The following LRRN2 variants were observed in gnomAD, a reference collection of about 807,000 sequenced individuals.
LRRN2 encodes leucine rich repeat neuronal 2, also known as leucine-rich repeat neuronal protein 2.
LRRN2 carries 10 observed loss-of-function variants against 35.7 expected under a neutral mutation model. The ratio of observed to expected loss-of-function variants is 0.28; its 90% CI spans 0.17 to 0.47. The LOEUF is 0.47. Ranked by LOEUF, LRRN2 falls within the 20% of genes least tolerant of loss-of-function variation. The pLI is 0.99. For missense variants in LRRN2, 731 were observed against 940.3 expected (o/e 0.78, Z 2.91); for synonymous variants, 391 against 409.6 (o/e 0.95, Z 0.55).
Position 204,619,938 on chromosome 1 carries a change from CG to C in LRRN2, c.54del (p.Ala19LeufsTer42). ...LLLAWVAGATAAVPVVPWHVP... is the reference protein window; with the variant it reads ...LLLAWVAGATXAVPVVPWHVP... ...ACATGCCAGGGTACCACGGGCACAG[CG>C]GCAGTGGCACCAGCCACCCAAGCTA... On this transcript the variant is annotated frameshift_variant, in exon 2 of 2. Coordinates refer to ENST00000367177, the MANE Select transcript of LRRN2 (RefSeq NM_201630.2). LOFTEE classifies it high-confidence loss of function. 6.2e-7 allele frequency: 1 copy of C among 1,613,086 alleles called. No homozygotes were observed. Among genetic ancestry groups the C allele is most frequent in the Non-Finnish European group, 8.5e-7 (1 of 1,179,782 alleles).
chr1:204,654,536 T>G (rs528804272), intron 1 of LRRN2, among the ~76,000 whole-genome samples: 6 of 152,336 alleles, frequency 3.9e-5, no homozygotes, highest in Non-Finnish European at 7.4e-5. Flanking sequence ...GCAGGTCCCA[T>G]CCAGCTGTCT....
chr1:204,672,549 C>T (rs879448187), intron 1 of LRRN2, among the ~76,000 whole-genome samples: 4 of 152,168 alleles, frequency 2.6e-5, no homozygotes, highest in African/African-American at 4.8e-5. Flanking sequence ...CTATCTCTGA[C>T]GTTCTGTTTG....
chr1:204,661,118 C>G (rs1668463440), intron 1 of LRRN2, among the ~76,000 whole-genome samples: 1 of 152,108 alleles, frequency 6.6e-6, no homozygotes, highest in Non-Finnish European at 1.5e-5. Flanking sequence ...TTTTCTCTCT[C>G]TCTATCAGAA....
At chr1:204,648,067 C>T (rs1342784263) in intron 1 of LRRN2, among the ~76,000 whole-genome samples, 2 of 152,178 alleles carry the variant, frequency 1.3e-5, no homozygotes, top group Admixed American at 6.5e-5. Context: ...CAAATCCCAC[C>T]TCCACCACTT....
chr1:204,658,314 G>A (rs1258124481), intron 1 of LRRN2, among the ~76,000 whole-genome samples: 1 of 152,164 alleles, frequency 6.6e-6, no homozygotes, highest in Non-Finnish European at 1.5e-5. Context: ...AAAGGGCAGG[G>A]CTTAACTGAG....
chr1:204,678,165 C>T (rs889734726), intron 1 of LRRN2, among the ~76,000 whole-genome samples: 1 of 152,190 alleles, frequency 6.6e-6, no homozygotes, highest in Admixed American at 6.5e-5. Flanking sequence ...GTTTAGCACT[C>T]GGTTTTAAAT....
intron 1 of LRRN2, among the ~76,000 whole-genome samples, chr1:204,677,767 C>T (rs1368647496): frequency 6.6e-6 from 1 of 152,302 alleles, no homozygotes; most frequent in African/African-American, 2.4e-5. Context: ...CAGAGATCAT[C>T]TGGTCTCGGG....
At chr1:204,651,074 G>A (rs1043337081) in intron 1 of LRRN2, among the ~76,000 whole-genome samples, 8 of 152,176 alleles carry the variant, frequency 5.3e-5, no homozygotes, top group African/African-American at 9.7e-5. Context: ...GCTTTCTCCA[G>A]CAGCAGGCAG....
chr1:204,626,587 C>T (rs1375086930), intron 1 of LRRN2, among the ~76,000 whole-genome samples: 2 of 152,240 alleles, frequency 1.3e-5, no homozygotes, highest in East Asian at 3.9e-4. Context: ...GCCCCCGAGA[C>T]TCTCTGAACA....
At chr1:204,658,805 G>A (rs1025593729) in intron 1 of LRRN2, among the ~76,000 whole-genome samples, 4 of 152,046 alleles carry the variant, frequency 2.6e-5, no homozygotes, top group African/African-American at 4.8e-5. Flanking sequence ...TTTCTTATTC[G>A]CTTTCATCTC....
intron 1 of LRRN2, chr1:204,664,487 C>T (rs1277807439): frequency 6.6e-6 from 1 of 152,230 alleles, no homozygotes; most frequent in African/African-American, 2.4e-5. Context: ...CTCGTTCATT[C>T]TCTCTCCCTC....
At chr1:204,622,761 C>T (rs1449816704) in intron 1 of LRRN2, among the ~76,000 whole-genome samples, 1 of 152,094 alleles carries the variant, frequency 6.6e-6, no homozygotes, top group East Asian at 1.9e-4. Context: ...CCCTGACTGC[C>T]ACCTAGACCT....
rs766560011 is a variant in LRRN2 at position 204,617,973 on chromosome 1, A to G, written c.2020T>C (p.Trp674Arg). 54 of 1,613,614 alleles carry G rather than the reference A, an allele frequency of 3.3e-5. No homozygotes were observed. The highest frequency in any genetic ancestry group is 3.9e-5 in the Non-Finnish European group (46 of 1,179,938). ...ACAACCCGGACAGAAGGGGCACTCC[A>G]GCCCCAGAAAGCCCAGGCTGGAGGG... ...PLPPAWAFWGWSAPSVRVVSA... is the reference protein window; with the variant it reads ...PLPPAWAFWGRSAPSVRVVSA... Residue 674 changes from tryptophan (W) to arginine (R), a missense_variant, in exon 2 of 2, where the codon TGG becomes CGG. Trp to Arg is a moderately radical substitution (Grantham distance 101). This residue lies in a region of LRRN2 where 229 missense variants were observed against 258.4 expected (regional missense o/e 0.89). Transcript: ENST00000367177.
chr1:204,674,289 T>C (rs1235754613), intron 1 of LRRN2, among the ~76,000 whole-genome samples: 21 of 140,652 alleles, frequency 1.5e-4, no homozygotes, highest in Admixed American at 1.3e-3. Flanking sequence ...AACTGCCAAG[T>C]CCCCCTCACT....
At chr1:204,636,556 T>C (rs1196954452) in intron 1 of LRRN2, among the ~76,000 whole-genome samples, 7 of 152,048 alleles carry the variant, frequency 4.6e-5, no homozygotes, top group Middle Eastern at 3.2e-3. Flanking sequence ...GGCAACATAG[T>C]GATCTGAAAA....
intron 1 of LRRN2, among the ~76,000 whole-genome samples, chr1:204,673,376 G>T (rs552229303): frequency 6.6e-6 from 1 of 152,250 alleles, no homozygotes; most frequent in South Asian, 2.1e-4. Context: ...CATTTTACAA[G>T]CATGAGCTGG....
Position 204,618,262 on chromosome 1 carries a change from C to T in LRRN2, c.1731G>A (p.Arg577=). 6.2e-7 allele frequency: 1 copy of T among 1,610,494 alleles called. No homozygotes were observed. Among genetic ancestry groups the T allele is most frequent in the Non-Finnish European group, 8.5e-7 (1 of 1,178,062 alleles). ...QGATALARLP[R]GTHSYNITRL... ...GGGTAATGTTGTAGCTGTGGGTTCCCCGAGGCAGGCGGGCCAGAGCTGTGG... is the reference window on the plus strand; with the variant it reads ...GGGTAATGTTGTAGCTGTGGGTTCCTCGAGGCAGGCGGGCCAGAGCTGTGG... The change falls in exon 2 of 2, where the codon CGG becomes CGA. Residue 577 remains arginine, a synonymous_variant. Coordinates refer to ENST00000367177, the MANE Select transcript of LRRN2 (RefSeq NM_201630.2).
intron 1 of LRRN2, among the ~76,000 whole-genome samples, chr1:204,633,724 G>A (rs1045680694): frequency 3.9e-5 from 6 of 152,190 alleles, no homozygotes; most frequent in East Asian, 3.8e-4. Flanking sequence ...CTCTAACCCC[G>A]ATCCCACATC....
intron 1 of LRRN2, among the ~76,000 whole-genome samples, chr1:204,678,301 C>A (rs1019415016): frequency 1.3e-5 from 2 of 152,152 alleles, no homozygotes; most frequent in Non-Finnish European, 2.9e-5. Context: ...CAACCTCACA[C>A]CCCACACTGC....
Sources: allele counts gnomAD v4.1 joint callset (sites outside exome capture counted in the v4.1 genomes callset), GRCh38; gene constraint gnomAD v4.1.1; regional missense constraint gnomAD v4.1.1; transcripts MANE v1.5; gene names NCBI Gene and HGNC (gene_info 2026-07-23, HGNC 2026-07-21).